Variants in SPPL2A observed in about 807,000 individuals in gnomAD.
SPPL2A encodes the protein signal peptide peptidase-like 2A.
A neutral mutation model predicts 63.8 loss-of-function variants in SPPL2A; 51 were observed. The ratio of observed to expected loss-of-function variants is 0.80; its 90% confidence interval spans 0.64 to 1.01. The LOEUF (loss-of-function observed/expected upper bound fraction) is 1.01, where lower values mean the gene tolerates loss of function less well. Among genes scored for constraint, SPPL2A ranks in the 50% least tolerant of loss-of-function variants. SPPL2A has a pLI of 0.00. For synonymous variants in SPPL2A, 188 were observed against 205.8 expected (o/e 0.91, Z 0.74); for missense variants, 553 against 622.7 (o/e 0.89, Z 1.19).
intron 14 of SPPL2A, among the ~76,000 whole-genome samples, chr15:50,710,307 C>A (rs2062546029): frequency 6.6e-6 from 1 of 152,120 alleles, no homozygotes; most frequent in Non-Finnish European, 1.5e-5. Context: ...ATCTAACTTG[C>A]CTCTTCTTTC....
chr15:50,731,475 G>A (rs2062731244), intron 9 of SPPL2A, among the ~76,000 whole-genome samples: 1 of 152,068 alleles, frequency 6.6e-6, no homozygotes. Flanking sequence ...GAACCCAGGA[G>A]GCAGAGGTTG....
In SPPL2A at chr15:50,703,911, T is replaced by C. The variant is rs1596370758; in HGVS notation, c.*3889A>G. ...CAAAGAAAACTGGAAAGCTCATTTGTATTTATTATAAATGTATCAATTCAC... is the reference window on the plus strand; with the variant it reads ...CAAAGAAAACTGGAAAGCTCATTTGCATTTATTATAAATGTATCAATTCAC... On this transcript the variant is annotated 3_prime_UTR_variant, in exon 15 of 15. Coordinates refer to ENST00000261854, the MANE Select transcript of SPPL2A (RefSeq NM_032802.4). The C allele has an allele frequency of 1.3e-5, 2 of 152,320 alleles. No homozygotes were observed. The highest frequency in any genetic ancestry group is 3.9e-4 in the East Asian group (2 of 5,176). The allele number at this position is 152,320 out of a possible 1,614,324, so 9.4% of individuals were successfully genotyped here. A position where few individuals can be genotyped will look rare whatever the true frequency, so the allele number is the denominator to read the frequency against.
At chr15:50,749,578 GC>G in intron 2 of SPPL2A, 57 bp downstream of exon 2, 1 of 1,151,254 alleles carries the variant, frequency 8.7e-7, no homozygotes, top group Non-Finnish European at 1.3e-6. Context: ...GAGCCACCGT[GC>G]CCAGCCTCCT....
At chr15:50,726,079 A>T (rs1229268816) in intron 11 of SPPL2A, 1 of 1,483,258 alleles carries the variant, frequency 6.7e-7, no homozygotes. Context: ...TTACTTTCTC[A>T]TGGGGAGCTG....
At position 50,731,521 on chromosome 15, in the gene SPPL2A, C is replaced by T. The variant is rs182324665; in HGVS notation, c.1015-482G>A. On this transcript the variant is annotated intron_variant, in intron 9 of 14. Coordinates refer to ENST00000261854, the MANE Select transcript of SPPL2A (RefSeq NM_032802.4). ...AGATCGTGCCACTGCACTCCAGCCT[C>T]GGTGACAGAGTGAAACTCTGTCTTG... 3.5e-4 allele frequency among the ~76,000 whole-genome samples: 52 copies of T among 149,934 alleles called. No homozygotes were observed. In the Middle Eastern group the frequency reaches 0.011, roughly 31 times the overall value.
chr15:50,722,139 CAT>C lies in SPPL2A; in HGVS notation c.1310_1311del (p.Tyr437CysfsTer47), dbSNP rs1567152559. On this transcript the variant is annotated frameshift_variant, in exon 13 of 15. Coordinates refer to ENST00000261854, the MANE Select transcript of SPPL2A (RefSeq NM_032802.4). LOFTEE classifies it high-confidence loss of function. ...AAAAATTTACCAACTGTAGACGAAACATAGTATATGTAAGAAGAACCAGTCTG... is the reference window on the plus strand; with the variant it reads ...AAAAATTTACCAACTGTAGACGAAACAGTATATGTAAGAAGAACCAGTCTG... ...DVQTGSSYIY[Y>X]VSSTVAYAIG... 6.3e-7 allele frequency: 1 copy of C among 1,580,574 alleles called. No individual in the cohort carries two copies. The highest frequency in any genetic ancestry group is 2.2e-5 in the East Asian group (1 of 44,692).
intron 5 of SPPL2A, among the ~76,000 whole-genome samples, chr15:50,741,167 T>C (rs923921019): frequency 7.9e-5 from 12 of 152,056 alleles, no homozygotes; most frequent in Admixed American, 6.6e-4. Context: ...CTTACTACTG[T>C]CTCCTCCTAG....
chr15:50,739,343 T>A (rs928035641), intron 6 of SPPL2A, among the ~76,000 whole-genome samples: 5 of 151,980 alleles, frequency 3.3e-5, no homozygotes, highest in Non-Finnish European at 5.9e-5. Context: ...CACACCCAGC[T>A]AATTTCTGTA....
intron 12 of SPPL2A, among the ~76,000 whole-genome samples, chr15:50,724,175 C>T (rs1232549511): frequency 2.0e-5 from 3 of 152,168 alleles, no homozygotes; most frequent in South Asian, 2.1e-4. Flanking sequence ...ACGCTGCTAG[C>T]TTTTCTCTCT....
In SPPL2A at chr15:50,706,383, C is replaced by A. The variant is rs1316534184; in HGVS notation, c.*1417G>T. The A allele has an allele frequency of 8.7e-6, 1 of 115,064 alleles. No homozygotes were observed. The highest frequency in any genetic ancestry group is 1.9e-5 in the Non-Finnish European group (1 of 51,284). The allele number at this position is 115,064 out of a possible 1,614,324, so 7.1% of individuals were successfully genotyped here. ...CCAGCCTGGGCGACAGAGCGAGACT[C>A]CGTCTCAAAAAAAAAAAAAAAAAAA... On this transcript the variant is annotated 3_prime_UTR_variant, in exon 15 of 15. Transcript: ENST00000261854.
At chr15:50,731,617 T>A (rs1596384841) in intron 9 of SPPL2A, among the ~76,000 whole-genome samples, 1 of 151,612 alleles carries the variant, frequency 6.6e-6, no homozygotes, top group Non-Finnish European at 1.5e-5. Flanking sequence ...TTTGGCATAT[T>A]ATATGAATGA....
chr15:50,743,995 C>T (rs1203320468), intron 5 of SPPL2A, among the ~76,000 whole-genome samples: 2 of 151,440 alleles, frequency 1.3e-5, no homozygotes, highest in East Asian at 1.9e-4. Context: ...GCCAACATGG[C>T]GAAACCCCAT....
At chr15:50,707,980 T>TGA in intron 14 of SPPL2A, 106 bp from the exon 15 acceptor site, 1 of 689,392 alleles carries the variant, frequency 1.5e-6, no homozygotes, top group South Asian at 1.6e-5. Flanking sequence ...GATTGCTCTA[T>TGA]GAAACTGAGC....
chr15:50,708,702 C>CAAA (rs201244377), intron 14 of SPPL2A, among the ~76,000 whole-genome samples: 4 of 128,828 alleles, frequency 3.1e-5, no homozygotes, highest in East Asian at 2.3e-4. Context: ...GAGACTCTGT[C>CAAA]AAAAAAAAAA....
chr15:50,758,132 CA>C (rs573951583), intron 1 of SPPL2A, among the ~76,000 whole-genome samples: 1 of 147,838 alleles, frequency 6.8e-6, no homozygotes, highest in Non-Finnish European at 1.5e-5. Context: ...ACTAAAAATA[CA>C]AAAAAATTAG....
intron 14 of SPPL2A, among the ~76,000 whole-genome samples, chr15:50,712,679 C>CTTTTT (rs1555440537): frequency 3.9e-5 from 4 of 102,938 alleles, no homozygotes; most frequent in Admixed American, 1.0e-4. Flanking sequence ...CTCCCCCCCC[C>CTTTTT]TTTTTTTTTT....
intron 8 of SPPL2A, among the ~76,000 whole-genome samples, chr15:50,733,005 T>C (rs28435170): frequency 6.6e-6 from 1 of 152,096 alleles, no homozygotes; most frequent in African/African-American, 2.4e-5. Context: ...ACAAAACCCC[T>C]CATATACTCT....
At chr15:50,752,738 A>G (rs560449259) in intron 1 of SPPL2A, among the ~76,000 whole-genome samples, 2 of 151,984 alleles carry the variant, frequency 1.3e-5, no homozygotes, top group Admixed American at 6.5e-5. Context: ...AAACAACCCA[A>G]AAAAACAAAA....
chr15:50,759,560 G>A (rs751451022), intron 1 of SPPL2A, among the ~76,000 whole-genome samples: 71 of 152,188 alleles, frequency 4.7e-4, no homozygotes, highest in Middle Eastern at 6.8e-3. Flanking sequence ...TGGCTAACAC[G>A]GTGAAACCCC....
Sources: allele counts gnomAD v4.1 joint callset (sites outside exome capture counted in the v4.1 genomes callset), GRCh38; gene constraint gnomAD v4.1.1; transcripts MANE v1.5; gene names NCBI Gene and HGNC (gene_info 2026-07-23, HGNC 2026-07-21).